DAB1: variants seen among roughly 807,000 people sequenced by gnomAD.
DAB1 encodes the protein DAB adaptor protein 1.
Under a neutral mutation model 64.6 loss-of-function variants are expected in DAB1, and 15 were observed. The ratio of observed to expected loss-of-function variants is 0.23; its 90% confidence interval spans 0.16 to 0.36. The LOEUF (loss-of-function observed/expected upper bound fraction) is 0.36. Among genes scored for constraint, DAB1 ranks in the 10% least tolerant of loss-of-function variants. The probability of loss-of-function intolerance (pLI) is 1.00; values close to 1 mark genes in which losing one functional copy is unlikely to be tolerated. For synonymous variants in DAB1, 235 were observed against 251.9 expected (o/e 0.93, Z 0.64); for missense variants, 596 against 706.7 (o/e 0.84, Z 1.78).
At chr1:58,081,448 G>A (rs1649991707) in intron 5 of DAB1, among the ~76,000 whole-genome samples, 1 of 152,210 alleles carries the variant, frequency 6.6e-6, no homozygotes, top group Admixed American at 6.5e-5. Context: ...TGATGGAGCA[G>A]CCATTGATTG....
intron 14 of DAB1, among the ~76,000 whole-genome samples, chr1:57,009,040 A>T (rs1393364581): frequency 6.6e-6 from 1 of 152,252 alleles, no homozygotes; most frequent in Non-Finnish European, 1.5e-5. Flanking sequence ...GAACAGGTTC[A>T]TAAAGATGAG....
At chr1:58,451,603 G>A (rs893119784) in intron 3 of DAB1, among the ~76,000 whole-genome samples, 3 of 152,094 alleles carry the variant, frequency 2.0e-5, no homozygotes, top group Admixed American at 6.5e-5. Context: ...ACATGAGAAC[G>A]CCCTGAATAC....
rs114713794 is a variant in DAB1 at position 57,769,880 on chromosome 1, C to T, written n.551+114119G>A. On this transcript the variant is annotated intron_variant and non_coding_transcript_variant, in intron 6 of 20. Transcript: ENST00000485760. ...ACAGCACAGTCCCTTCTCCTGTGTCCTGAGGCTGAACCTTTGCTCCTCTGT... is the reference window on the plus strand; with the variant it reads ...ACAGCACAGTCCCTTCTCCTGTGTCTTGAGGCTGAACCTTTGCTCCTCTGT... Among the ~76,000 whole-genome samples, 270 of 152,224 alleles carry T rather than the reference C, an allele frequency of 1.8e-3. 1 individual carries two copies. The highest frequency in any genetic ancestry group is 6.2e-3 in the African/African-American group (257 of 41,556).
intron 1 of DAB1, among the ~76,000 whole-genome samples, chr1:57,327,355 G>A (rs1423842747): frequency 3.9e-5 from 6 of 152,100 alleles, no homozygotes; most frequent in East Asian, 3.9e-4. Context: ...AGAGAGATGC[G>A]CACCAGTCTC....
chr1:57,514,136 A>G (rs1445184597), intron 7 of DAB1, among the ~76,000 whole-genome samples: 1 of 152,236 alleles, frequency 6.6e-6, no homozygotes, highest in African/African-American at 2.4e-5. Context: ...GAATACTGCT[A>G]TGATAAACAT....
intron 2 of DAB1, among the ~76,000 whole-genome samples, chr1:57,228,757 A>G (rs1210676378): frequency 2.0e-5 from 3 of 152,216 alleles, no homozygotes; most frequent in Non-Finnish European, 4.4e-5. Flanking sequence ...ATCCTCTCAC[A>G]TGAGGCCAAA....
At chr1:57,536,554 G>A (rs995605521) in intron 7 of DAB1, among the ~76,000 whole-genome samples, 8 of 151,858 alleles carry the variant, frequency 5.3e-5, no homozygotes, top group Non-Finnish European at 1.2e-4. Context: ...GCCTGAGGCA[G>A]TATCTCAATA....
chr1:57,753,375 C>G (rs1049967597), intron 6 of DAB1, among the ~76,000 whole-genome samples: 7 of 152,184 alleles, frequency 4.6e-5, no homozygotes, highest in African/African-American at 1.7e-4. Context: ...GTGAGCTTGG[C>G]TGACCCCTCT....
At chr1:57,922,212 T>C (rs1644818130) in intron 5 of DAB1, among the ~76,000 whole-genome samples, 1 of 152,144 alleles carries the variant, frequency 6.6e-6, no homozygotes, top group African/African-American at 2.4e-5. Context: ...TCTTCAAAGT[T>C]GTGGGCTCAG....
At chr1:58,468,061 A>G (rs193116503) in intron 3 of DAB1, 1 of 152,418 alleles carries the variant, frequency 6.6e-6, no homozygotes, top group Admixed American at 6.5e-5. Context: ...AGTAGCTGGT[A>G]CTGCAGGCAT....
At chr1:58,056,028 G>A (rs1020926342) in intron 5 of DAB1, 60 of 800,246 alleles carry the variant, frequency 7.5e-5, no homozygotes, top group African/African-American at 4.0e-4. Flanking sequence ...GTGAGCCACC[G>A]TGCCTGGCCT....
intron 7 of DAB1, among the ~76,000 whole-genome samples, chr1:57,480,109 G>T (rs1277394777): frequency 6.8e-6 from 1 of 146,692 alleles, no homozygotes; most frequent in Admixed American, 6.9e-5. Context: ...TCGAGATCGC[G>T]CCACTGCACT....
intron 4 of DAB1, among the ~76,000 whole-genome samples, chr1:57,113,325 A>C (rs962425185): frequency 6.6e-6 from 1 of 152,198 alleles, no homozygotes; most frequent in Non-Finnish European, 1.5e-5. Flanking sequence ...TAGGTGAGGA[A>C]TTTGAGGCTA....
At chr1:57,814,189 G>A (rs1300046362) in intron 6 of DAB1, among the ~76,000 whole-genome samples, 2 of 152,222 alleles carry the variant, frequency 1.3e-5, no homozygotes, top group Admixed American at 6.5e-5. Flanking sequence ...GCATTTAGAT[G>A]CAGAGCTGAT....
chr1:57,298,700 T>C (rs1461058761), intron 1 of DAB1, among the ~76,000 whole-genome samples: 2 of 151,976 alleles, frequency 1.3e-5, no homozygotes, highest in African/African-American at 4.8e-5. Flanking sequence ...TTTTCCATAA[T>C]AGGATAAACT....
At chr1:57,391,136 G>A (rs932872663) in intron 1 of DAB1, among the ~76,000 whole-genome samples, 2 of 152,144 alleles carry the variant, frequency 1.3e-5, no homozygotes, top group African/African-American at 4.8e-5. Context: ...ATAGCACAGT[G>A]CCGCCCTAAC....
rs747877722 is a variant in DAB1 at position 57,947,351 on chromosome 1, G to GACC, written n.388-63192_388-63190dup. ...ACCAAGACCAGAAATGAGTTCTCCTGACCACCACCCAGCAACCTCTGCACT... is the reference window on the plus strand; with the variant it reads ...ACCAAGACCAGAAATGAGTTCTCCTGACCACCACCACCCAGCAACCTCTGCACT... On this transcript the variant is annotated intron_variant and non_coding_transcript_variant, in intron 5 of 20. Transcript: ENST00000485760. 1.3e-3 allele frequency among the ~76,000 whole-genome samples: 200 copies of GACC among 152,236 alleles called. 1 individual carries two copies. The highest frequency in any genetic ancestry group is 2.4e-4 in the Non-Finnish European group (16 of 68,016).
chr1:58,208,463 G>C (rs59994009), intron 4 of DAB1, among the ~76,000 whole-genome samples: 28,736 of 151,864 alleles, frequency 0.19, 2,911 homozygotes, highest in East Asian at 0.37. Context: ...TTCTCTCCAA[G>C]TCTCCAAAGT....
At chr1:57,041,068 C>T (rs750518497) in intron 9 of DAB1, among the ~76,000 whole-genome samples, 15 of 152,218 alleles carry the variant, frequency 9.9e-5, no homozygotes, top group Non-Finnish European at 2.2e-4. Context: ...GAATGCAGAG[C>T]AAATCAGAGG....
Sources: gnomAD v4.1 joint callset for allele counts (sites outside exome capture counted in the v4.1 genomes callset) on GRCh38, gnomAD v4.1.1 for gene constraint, MANE v1.5 for transcripts, NCBI Gene and HGNC (gene_info 2026-07-23, HGNC 2026-07-21) for gene names.